ACOT8: variants seen among roughly 807,000 people sequenced by gnomAD.
ACOT8 encodes the protein acyl-CoA thioesterase 8, also known as acyl-coenzyme A thioesterase 8.
Under a neutral mutation model 38.4 loss-of-function variants are expected in ACOT8, and 31 were observed. That is an observed-to-expected ratio of 0.81 (90% confidence interval 0.61 to 1.09). ACOT8 has a LOEUF of 1.09. Ranked by LOEUF, ACOT8 falls within the 50% of genes least tolerant of loss-of-function variation. ACOT8 has a pLI of 0.00. For missense variants in ACOT8, 373 were observed against 421.8 expected, an observed-to-expected ratio of 0.88 and a Z score of 1.01; for synonymous variants, 158 against 170.3, an observed-to-expected ratio of 0.93 and a Z score of 0.56.
intron 2 of ACOT8, among the ~76,000 whole-genome samples, chr20:45,850,783 G>A (rs574772195): frequency 1.3e-5 from 2 of 152,198 alleles, no homozygotes; most frequent in African/African-American, 2.4e-5. Flanking sequence ...GATCACTTGA[G>A]GCCAGGAGAT....
At chr20:45,848,406 G>T in intron 3 of ACOT8, 44 bp downstream of exon 3, 1 of 1,487,990 alleles carries the variant, frequency 6.7e-7, no homozygotes, top group Non-Finnish European at 9.1e-7. Flanking sequence ...ACAGATAGCA[G>T]CTGCATTTTG....
chr20:45,854,358 C>T (rs1985268217), intron 2 of ACOT8, among the ~76,000 whole-genome samples: 1 of 145,488 alleles, frequency 6.9e-6, no homozygotes, highest in Non-Finnish European at 1.6e-5. Flanking sequence ...TACAGGCACC[C>T]ACCACCACAC....
intron 2 of ACOT8, among the ~76,000 whole-genome samples, chr20:45,850,025 A>G (rs530166010): frequency 7.2e-5 from 11 of 152,220 alleles, no homozygotes; most frequent in African/African-American, 2.6e-4. Context: ...CCTGGCCAAC[A>G]TGGCAAAACC....
intron 1 of ACOT8, among the ~76,000 whole-genome samples, chr20:45,856,406 C>A (rs1042307821): frequency 6.6e-6 from 1 of 152,156 alleles, no homozygotes; most frequent in African/African-American, 2.4e-5. Context: ...CTGCAGGGGG[C>A]TGGGCGCGGT....
chr20:45,842,282 C>T (rs1984256832), intron 5 of ACOT8: 2 of 1,427,396 alleles, frequency 1.4e-6, no homozygotes, highest in Admixed American at 2.9e-5. Flanking sequence ...CCCACAGGAA[C>T]CCCAGTTGAC....
chr20:45,854,510 C>G (rs571695266), intron 2 of ACOT8, among the ~76,000 whole-genome samples: 1 of 152,186 alleles, frequency 6.6e-6, no homozygotes, highest in African/African-American at 2.4e-5. Context: ...CGCCCGGCCT[C>G]ACACATAGGT....
intron 1 of ACOT8, 55 bp from the exon 2 acceptor site, chr20:45,855,347 AC>A: frequency 1.9e-6 from 3 of 1,597,316 alleles, no homozygotes; most frequent in Non-Finnish European, 2.6e-6. Flanking sequence ...AAATTCTACT[AC>A]CCTCACTAAG....
chr20:45,850,620 C>T (rs554127065), intron 2 of ACOT8, among the ~76,000 whole-genome samples: 1 of 152,310 alleles, frequency 6.6e-6, no homozygotes, highest in East Asian at 1.9e-4. Context: ...GCCATTTGGT[C>T]CTTCACTGTC....
intron 3 of ACOT8, 32 bp from the exon 4 acceptor site, chr20:45,844,452 A>G: frequency 6.2e-7 from 1 of 1,609,200 alleles, no homozygotes. Flanking sequence ...TCGGGGTGAG[A>G]CCCAGGAAGA....
intron 3 of ACOT8, among the ~76,000 whole-genome samples, chr20:45,844,674 C>T (rs1040203063): frequency 2.0e-5 from 3 of 152,160 alleles, no homozygotes; most frequent in African/African-American, 7.2e-5. Flanking sequence ...AGTAACCTAC[C>T]TCATAACCAA....
chr20:45,848,719 T>A lies in ACOT8; in HGVS notation c.263-44A>T, dbSNP rs749089125. ...CACAGTGGGTCCACAGGCCCTGTCA[T>A]CATCACAACGCCTGACAGGCACTCT... On this transcript the variant is annotated intron_variant, in intron 2 of 5. Transcript: ENST00000217455. 5 of 1,501,700 alleles carry A rather than the reference T, an allele frequency of 3.3e-6. No individual in the cohort carries two copies. The Admixed American group carries it at 7.6e-5, about 23-fold the overall frequency. 93.0% of individuals were successfully genotyped at this position (1,501,700 alleles called of 1,614,324 possible). A position where few individuals can be genotyped will look rare whatever the true frequency, so the allele number is the denominator to read the frequency against.
intron 2 of ACOT8, chr20:45,854,046 GGTTTTGCTTTT>G: frequency 8.7e-7 from 1 of 1,153,600 alleles, no homozygotes; most frequent in Non-Finnish European, 1.1e-6. Flanking sequence ...TTTTAGCATA[GGTTTTGCTTTT>G]ATTTTCCTTT....
intron 5 of ACOT8, 80 bp downstream of exon 5, chr20:45,843,447 C>CG (rs1568734348): frequency 6.6e-7 from 1 of 1,525,004 alleles, no homozygotes; most frequent in Non-Finnish European, 8.9e-7. Flanking sequence ...CACAGGAAGT[C>CG]GGGAAATCAG....
intron 5 of ACOT8, chr20:45,842,571 G>C: frequency 1.0e-6 from 1 of 995,654 alleles, no homozygotes; most frequent in South Asian, 4.5e-5. Flanking sequence ...TCCCCATCTG[G>C]AGACTCTTTC....
intron 2 of ACOT8, among the ~76,000 whole-genome samples, chr20:45,850,818 C>T (rs1040801552): frequency 2.0e-5 from 3 of 152,172 alleles, no homozygotes; most frequent in Admixed American, 6.5e-5. Flanking sequence ...GCCATGACTG[C>T]GTCACTGTGC....
intron 3 of ACOT8, chr20:45,847,841 A>G (rs1984785152): frequency 6.7e-6 from 1 of 150,306 alleles, no homozygotes; most frequent in African/African-American, 2.4e-5. Context: ...CAGTAACACG[A>G]TCTCGGCTCA....
intron 3 of ACOT8, 23 bp downstream of exon 3, chr20:45,848,427 C>T (rs1984829307): frequency 1.3e-6 from 2 of 1,546,510 alleles, no homozygotes; most frequent in Non-Finnish European, 1.8e-6. Context: ...AAAAGTCTGC[C>T]ATGGAGCCTC....
At position 45,857,332 on chromosome 20, in the gene ACOT8, G is replaced by A; in HGVS notation, c.-17C>T. Reference sequence around the variant, plus strand: ...GGACGACATCTAGTTCAATGCTGCAGGCCCTGCACACCCGCTCCGCGGAAG... The same window carrying A: ...GGACGACATCTAGTTCAATGCTGCAAGCCCTGCACACCCGCTCCGCGGAAG... On this transcript the variant is annotated 5_prime_UTR_variant, in exon 1 of 6. Transcript: ENST00000217455. The A allele has an allele frequency of 6.3e-7, 1 of 1,588,602 alleles. No homozygotes were observed.
chr20:45,844,181 A>C (rs746245634), intron 4 of ACOT8, 82 bp downstream of exon 4: 1 of 1,575,432 alleles, frequency 6.3e-7, no homozygotes, highest in South Asian at 1.1e-5. Flanking sequence ...AGAGAAGGGA[A>C]CTCATGTGCC....
Sources: gnomAD v4.1 joint callset for allele counts (sites outside exome capture counted in the v4.1 genomes callset) on GRCh38, gnomAD v4.1.1 for gene constraint, MANE v1.5 for transcripts, NCBI Gene and HGNC (gene_info 2026-07-23, HGNC 2026-07-21) for gene names.